Variants in TBC1D2B observed in about 807,000 individuals in gnomAD.
TBC1D2B encodes TBC1 domain family member 2B, also known as TBC1 domain family, member 2B.
TBC1D2B carries 64 observed loss-of-function variants against 100.8 expected under a neutral mutation model. The ratio of observed to expected loss-of-function variants is 0.64; its 90% CI spans 0.52 to 0.78. The LOEUF is 0.78. Among genes scored for constraint, TBC1D2B ranks in the 30% least tolerant of loss-of-function variants. The pLI is 0.00. For missense variants in TBC1D2B, 1,052 were observed against 1,218.4 expected (o/e 0.86, Z 2.03); for synonymous variants, 480 against 479.7 (o/e 1.00, Z -0.01).
rs2072624921 is a variant in TBC1D2B at position 78,025,111 on chromosome 15, A to G, written c.1086+148T>C. Reference sequence around the variant, plus strand: ...CAGCAGCTGTGCCTAGATGACCGCCATGGCAATATGAAACCTCCAGGGGAA... The same window carrying G: ...CAGCAGCTGTGCCTAGATGACCGCCGTGGCAATATGAAACCTCCAGGGGAA... On this transcript the variant is annotated intron_variant, in intron 5 of 12. Coordinates refer to ENST00000300584, the MANE Select transcript of TBC1D2B (RefSeq NM_144572.2). 2.6e-5 allele frequency: 17 copies of G among 656,446 alleles called. No individual in the cohort carries two copies. In the South Asian group the frequency reaches 2.9e-4, roughly 11 times the overall value. The allele number at this position is 656,446 out of a possible 1,614,324, so 40.7% of individuals were successfully genotyped here. A position where few individuals can be genotyped will look rare whatever the true frequency, so the allele number is the denominator to read the frequency against.
At chr15:78,077,251 C>A in intron 1 of TBC1D2B, 42 bp downstream of exon 1, 4 of 1,403,602 alleles carry the variant, frequency 2.8e-6, no homozygotes, top group Non-Finnish European at 3.7e-6. Context: ...GCAGGGGACG[C>A]CGGCGGAAGC....
At chr15:78,003,186 C>T (rs529124645) in intron 11 of TBC1D2B, 119 bp downstream of exon 11, 1 of 825,222 alleles carries the variant, frequency 1.2e-6, no homozygotes, top group Admixed American at 2.2e-5. Flanking sequence ...TGCTGAGATC[C>T]CTTGGGCACC....
At chr15:78,076,026 A>G (rs1349225672) in intron 1 of TBC1D2B, among the ~76,000 whole-genome samples, 1 of 152,164 alleles carries the variant, frequency 6.6e-6, no homozygotes, top group Non-Finnish European at 1.5e-5. Context: ...GAGGAGTGAG[A>G]GTGAGGGTGG....
intron 3 of TBC1D2B, among the ~76,000 whole-genome samples, chr15:78,032,819 AAC>A (rs2072850090): frequency 6.6e-6 from 1 of 152,142 alleles, no homozygotes; most frequent in Admixed American, 6.5e-5. Context: ...CCTAAAACGA[AAC>A]AGAAATATGA....
chr15:78,063,241 G>C (rs2073586339), intron 1 of TBC1D2B, among the ~76,000 whole-genome samples: 1 of 152,098 alleles, frequency 6.6e-6, no homozygotes, highest in African/African-American at 2.4e-5. Flanking sequence ...GCTCAGAAGA[G>C]TATTTGGCAC....
intron 4 of TBC1D2B, among the ~76,000 whole-genome samples, chr15:78,026,390 C>T (rs1187095567): frequency 1.3e-5 from 2 of 152,098 alleles, no homozygotes; most frequent in Admixed American, 6.6e-5. Flanking sequence ...TCTCCCTCAC[C>T]CTTGCCCTCT....
intron 2 of TBC1D2B, among the ~76,000 whole-genome samples, chr15:78,051,204 T>A (rs11629761): frequency 0.062 from 9,497 of 152,282 alleles, 453 homozygotes; most frequent in African/African-American, 0.12. Flanking sequence ...ATTAGTAAGG[T>A]TTCCTGTTAA....
intron 12 of TBC1D2B, 198 bp from the exon 13 acceptor site, chr15:77,998,553 G>A: frequency 1.9e-6 from 1 of 532,150 alleles, no homozygotes; most frequent in African/African-American, 1.9e-5. Flanking sequence ...GGCAGGCTCA[G>A]AATGACGACC....
At chr15:78,055,021 C>T (rs150774431) in intron 1 of TBC1D2B, among the ~76,000 whole-genome samples, 41 of 152,252 alleles carry the variant, frequency 2.7e-4, no homozygotes, top group Non-Finnish European at 5.1e-4. Context: ...TTGATTCCTA[C>T]TACATGGATA....
intron 6 of TBC1D2B, among the ~76,000 whole-genome samples, chr15:78,022,358 C>CA (rs1205439523): frequency 3.3e-5 from 5 of 151,252 alleles, no homozygotes; most frequent in South Asian, 2.1e-4. Context: ...GACACTGTCT[C>CA]AAAAAAAATA....
rs1235502960 is a variant in TBC1D2B, at chr15:78,024,412, A to G, written c.1214T>C (p.Ile405Thr). The G allele has an allele frequency of 1.9e-6, 3 of 1,614,042 alleles. No individual in the cohort carries two copies. The highest frequency in any genetic ancestry group is 2.5e-6 in the Non-Finnish European group (3 of 1,179,894). ...CTCCAGCTGGCTGGTAAGGCCCAGA[A>G]TCTGATCATCCTTTTGGTGCAGAAG... Reference protein sequence around the residue: ...LELLHQKDDQILGLTSQLERF... With the variant: ...LELLHQKDDQTLGLTSQLERF... Residue 405 changes from isoleucine to threonine, a missense_variant, in exon 6 of 13, where the codon ATT becomes ACT. Ile to Thr is a moderately conservative substitution (Grantham distance 89). This residue lies in a region of TBC1D2B where 627 missense variants were observed against 646.1 expected (regional missense o/e 0.97). Coordinates refer to ENST00000300584, the MANE Select transcript of TBC1D2B (RefSeq NM_144572.2).
Position 78,017,840 on chromosome 15 carries a change from G to A in TBC1D2B, c.1581+7C>T. 1.3e-6 allele frequency: 2 copies of A among 1,591,234 alleles called. No individual in the cohort carries two copies. The highest frequency in any genetic ancestry group is 4.5e-5 in the East Asian group (2 of 44,584). On this transcript the variant is annotated splice_region_variant and intron_variant, in intron 7 of 12. Transcript: ENST00000300584. ...CCAGGTAATAGAATCCACCTATCCT[G>A]ACCCACCTTTGCCATCAGATCCCTC...
At chr15:78,029,311 G>A (rs2072749293) in intron 4 of TBC1D2B, among the ~76,000 whole-genome samples, 1 of 152,122 alleles carries the variant, frequency 6.6e-6, no homozygotes, top group African/African-American at 2.4e-5. Flanking sequence ...CCCACCCTCA[G>A]CCTCCCAAAG....
At chr15:78,015,612 C>G (rs1370136269) in intron 8 of TBC1D2B, among the ~76,000 whole-genome samples, 1 of 152,172 alleles carries the variant, frequency 6.6e-6, no homozygotes, top group East Asian at 1.9e-4. Flanking sequence ...ACCCGACTAT[C>G]CAGGCTGAGG....
intron 1 of TBC1D2B, among the ~76,000 whole-genome samples, chr15:78,075,388 TG>T (rs2073812519): frequency 6.6e-6 from 1 of 151,992 alleles, no homozygotes; most frequent in Non-Finnish European, 1.5e-5. Context: ...TTAATAGACA[TG>T]GGGTGTCACC....
intron 1 of TBC1D2B, among the ~76,000 whole-genome samples, chr15:78,062,991 G>C (rs1392512458): frequency 6.6e-6 from 1 of 152,078 alleles, no homozygotes; most frequent in African/African-American, 2.4e-5. Context: ...TGGTAAAATT[G>C]AAATAATAAT....
rs373444852 is a variant in TBC1D2B at position 78,074,013 on chromosome 15, CTTGTTTGT to C, written c.360+3272_360+3279del. Among the ~76,000 whole-genome samples, 86 of 149,136 alleles carry C rather than the reference CTTGTTTGT, an allele frequency of 5.8e-4. 1 individual carries two copies. Among genetic ancestry groups the C allele is most frequent in the African/African-American group, 1.5e-3 (63 of 40,802 alleles). On this transcript the variant is annotated intron_variant, in intron 1 of 12. Transcript: ENST00000300584. ...GGTTTTAGAGTCGGGGTGTTTTTTG[CTTGTTTGT>C]TTGTTTGTTTGTTTGTTTTTAAGGT... is the stretch of plus-strand genomic sequence containing the variant.
At chr15:78,026,681 C>T (rs781238397) in intron 4 of TBC1D2B, among the ~76,000 whole-genome samples, 3 of 151,984 alleles carry the variant, frequency 2.0e-5, no homozygotes, top group Non-Finnish European at 2.9e-5. Flanking sequence ...TTTGCGAGGC[C>T]GAGGCAGGTG....
intron 2 of TBC1D2B, among the ~76,000 whole-genome samples, chr15:78,053,569 T>C (rs1481092166): frequency 1.3e-5 from 2 of 152,222 alleles, no homozygotes; most frequent in African/African-American, 2.4e-5. Context: ...GAATCCAGGA[T>C]AGAATGAAAT....
Sources: gnomAD v4.1 joint callset for allele counts (sites outside exome capture counted in the v4.1 genomes callset) on GRCh38, gnomAD v4.1.1 for gene constraint, gnomAD v4.1.1 regional missense constraint, MANE v1.5 for transcripts, NCBI Gene and HGNC (gene_info 2026-07-23, HGNC 2026-07-21) for gene names.